Variants in TTL observed in about 807,000 individuals in gnomAD.
TTL encodes tubulin tyrosine ligase.
In TTL, 10 loss-of-function variants were observed where a neutral mutation model predicts 41.1. The observed-to-expected ratio is 0.24, with a 90% CI of 0.15 to 0.41. TTL has a LOEUF of 0.41. TTL is among the 10% of genes least tolerant of loss of function. TTL has a pLI of 1.00. For synonymous variants in TTL, 175 were observed against 175.5 expected, an observed-to-expected ratio of 1.00 and a Z score of 0.02; for missense variants, 367 against 460.4, an observed-to-expected ratio of 0.80 and a Z score of 1.86.
At chr2:112,520,802 C>T (rs1227851228) in intron 6 of TTL, 3 of 187,884 alleles carry the variant, frequency 1.6e-5, no homozygotes, top group South Asian at 1.2e-4. Flanking sequence ...CCTATAGTCC[C>T]AGCTGCTCGG....
rs1013046129 is a variant in TTL, at chr2:112,482,723, C to T, written c.157+222C>T. Among the ~76,000 whole-genome samples, 1 of 152,214 alleles carries T rather than the reference C, an allele frequency of 6.6e-6. No homozygotes were observed. Among genetic ancestry groups the T allele is most frequent in the Non-Finnish European group, 1.5e-5 (1 of 68,042 alleles). The stretch of plus-strand genomic sequence containing the variant: ...GAGTCGGAGTCGCGGTGCGGCCACT[C>T]GGGGCCGCAGCTACCTCCCGACGGT... On this transcript the variant is annotated intron_variant, in intron 1 of 6. Transcript: ENST00000233336. The surrounding 1 kb of genome is among the most constrained non-coding windows in gnomAD (Gnocchi z 5.3).
chr2:112,518,746 C>T (rs1682142534), intron 5 of TTL, among the ~76,000 whole-genome samples: 1 of 150,580 alleles, frequency 6.6e-6, no homozygotes, highest in Non-Finnish European at 1.5e-5. Context: ...ACAGTCTTAG[C>T]TCACTGCAAC....
At chr2:112,493,523 G>A (rs1363735937) in intron 2 of TTL, among the ~76,000 whole-genome samples, 1 of 152,230 alleles carries the variant, frequency 6.6e-6, no homozygotes, top group Admixed American at 6.5e-5. Context: ...GCAGAGGGAA[G>A]CCCCTGTGTG....
intron 4 of TTL, among the ~76,000 whole-genome samples, chr2:112,501,738 G>A (rs1227902358): frequency 2.0e-5 from 3 of 151,890 alleles, no homozygotes; most frequent in Admixed American, 2.0e-4. Flanking sequence ...ATGGTGGCAG[G>A]CACCTGTAAT....
intron 3 of TTL, among the ~76,000 whole-genome samples, chr2:112,496,438 C>T (rs1284853891): frequency 6.6e-6 from 1 of 152,110 alleles, no homozygotes; most frequent in Non-Finnish European, 1.5e-5. Flanking sequence ...CCTTCAAACT[C>T]TACCCATTAT....
chr2:112,486,429 C>G (rs1215619964), intron 2 of TTL, among the ~76,000 whole-genome samples: 2 of 152,222 alleles, frequency 1.3e-5, no homozygotes, highest in Non-Finnish European at 2.9e-5. Context: ...ATCAGTCAGC[C>G]ATTGGCTGTG....
chr2:112,524,176 T>A (rs1461679921), intron 6 of TTL, among the ~76,000 whole-genome samples: 3 of 152,248 alleles, frequency 2.0e-5, no homozygotes, highest in Admixed American at 1.3e-4. Context: ...TGCCACATTT[T>A]CTTAATCCAG....
chr2:112,499,616 T>C (rs1681637535), intron 3 of TTL, among the ~76,000 whole-genome samples: 1 of 152,172 alleles, frequency 6.6e-6, no homozygotes, highest in Non-Finnish European at 1.5e-5. Flanking sequence ...AAAGTAAAAA[T>C]TGATAAATTG....
At chr2:112,500,506 G>A (rs1366790654) in intron 3 of TTL, among the ~76,000 whole-genome samples, 1 of 152,138 alleles carries the variant, frequency 6.6e-6, no homozygotes, top group East Asian at 1.9e-4. Context: ...AGGAGGCGAA[G>A]GTTACAGTGA....
Position 112,513,963 on chromosome 2 carries a change from G to T in TTL, c.876-6319G>T, listed in dbSNP as rs374645224. Among the ~76,000 whole-genome samples the T allele has an allele frequency of 7.2e-5, 11 of 152,192 alleles. No individual in the cohort carries two copies. The East Asian group carries it at 1.2e-3, about 16-fold the overall frequency. On this transcript the variant is annotated intron_variant, in intron 5 of 6. Transcript: ENST00000233336. ...ACATATATTTTAAACTCACAAGACA[G>T]CATTCCTATGATTATAGATAGTTAA...
Position 112,541,011 on chromosome 2 carries a change from T to C in TTL, c.*12216T>C, listed in dbSNP as rs1182498254. The C allele has an allele frequency of 6.6e-6, 1 of 152,238 alleles. No individual in the cohort carries two copies. The highest frequency in any genetic ancestry group is 1.5e-5 in the Non-Finnish European group (1 of 68,036). The allele number at this position is 152,238 out of a possible 1,614,324, so 9.4% of individuals were successfully genotyped here. On this transcript the variant is annotated 3_prime_UTR_variant, in exon 7 of 7. Transcript: ENST00000233336. ...TAACTGAGGAAGTACAATTGGAATG[T>C]TCATGACAGAAATGATGAATGCTTG...
At chr2:112,509,677 G>C (rs1009224749) in intron 5 of TTL, among the ~76,000 whole-genome samples, 1 of 152,166 alleles carries the variant, frequency 6.6e-6, no homozygotes, top group African/African-American at 2.4e-5. Flanking sequence ...TTCGGCTCGC[G>C]CACGGTGCGC....
intron 3 of TTL, among the ~76,000 whole-genome samples, chr2:112,495,261 C>T (rs975553885): frequency 2.6e-5 from 4 of 152,186 alleles, no homozygotes; most frequent in African/African-American, 9.7e-5. Flanking sequence ...GTGTCCATTG[C>T]TTTCTTTCCC....
In TTL at chr2:112,530,099, C is replaced by T; in HGVS notation, c.*1304C>T. On this transcript the variant is annotated 3_prime_UTR_variant, in exon 7 of 7. Transcript: ENST00000233336. ...ACAGCAACCCATTGAAAACTGCCCTCCCCACCAGAACGTGCTACGTTCTTT... is the reference window on the plus strand; with the variant it reads ...ACAGCAACCCATTGAAAACTGCCCTTCCCACCAGAACGTGCTACGTTCTTT... The T allele has an allele frequency of 4.3e-6, 1 of 230,074 alleles. No individual in the cohort carries two copies. The highest frequency in any genetic ancestry group is 6.2e-5 in the East Asian group (1 of 16,160). The allele number at this position is 230,074 out of a possible 1,614,324, so 14.3% of individuals were successfully genotyped here. A position where few individuals can be genotyped will look rare whatever the true frequency, so the allele number is the denominator to read the frequency against.
rs1360546689 is a variant in TTL, at chr2:112,530,722, C to T, written c.*1927C>T. ...ACATTCACGAGTTTTCTAGCCCTCA[C>T]AGTAACAGAGCTAAGAATTCAGATG... On this transcript the variant is annotated 3_prime_UTR_variant, in exon 7 of 7. Transcript: ENST00000233336. The T allele has an allele frequency of 9.7e-6, 2 of 206,668 alleles. No homozygotes were observed. The highest frequency in any genetic ancestry group is 1.5e-4 in the East Asian group (2 of 13,560). The allele number at this position is 206,668 out of a possible 1,614,324, so 12.8% of individuals were successfully genotyped here. A position where few individuals can be genotyped will look rare whatever the true frequency, so the allele number is the denominator to read the frequency against.
At chr2:112,510,694 A>G (rs1482324262) in intron 5 of TTL, among the ~76,000 whole-genome samples, 1 of 151,996 alleles carries the variant, frequency 6.6e-6, no homozygotes, top group Non-Finnish European at 1.5e-5. Flanking sequence ...TGGTTGAGAT[A>G]TTTCTTTTTT....
At position 112,535,725 on chromosome 2, in the gene TTL, G is replaced by A. The variant is rs1682584730; in HGVS notation, c.*6930G>A. The A allele has an allele frequency of 1.0e-5, 1 of 97,596 alleles. No individual in the cohort carries two copies. The highest frequency in any genetic ancestry group is 2.0e-5 in the Non-Finnish European group (1 of 48,908). The allele number at this position is 97,596 out of a possible 1,614,324, so 6.0% of individuals were successfully genotyped here. On this transcript the variant is annotated 3_prime_UTR_variant, in exon 7 of 7. Transcript: ENST00000233336. ...AATGAATTAAATACTCCAATCAGAA[G>A]GTAGAGATTGGCAAATTGATTTTTT... is the stretch of plus-strand genomic sequence containing the variant.
rs142467814 is a variant in TTL, at chr2:112,503,029, C to T, written c.723C>T (p.Thr241=). ...DNFQDKTCHL[T]NHCIQKEYSK... ...TCCAAGACAAAACCTGCCATTTGAC[C>T]AATCACTGCATTCAAAAAGAGTATT... Residue 241 remains threonine (T), a synonymous_variant, in exon 5 of 7, where the codon ACC becomes ACT. Coordinates refer to ENST00000233336, the MANE Select transcript of TTL (RefSeq NM_153712.5). 6 of 1,613,938 alleles carry T rather than the reference C, an allele frequency of 3.7e-6. No individual in the cohort carries two copies. The South Asian group carries it at 4.4e-5, about 12-fold the overall frequency.
In TTL at chr2:112,534,460, A is replaced by G. The variant is rs544074225; in HGVS notation, c.*5665A>G. 6.5e-6 allele frequency: 1 copy of G among 152,734 alleles called. No homozygotes were observed. Among genetic ancestry groups the G allele is most frequent in the East Asian group, 1.9e-4 (1 of 5,200 alleles). 9.5% of individuals were successfully genotyped at this position (152,734 alleles called of 1,614,324 possible). On this transcript the variant is annotated 3_prime_UTR_variant, in exon 7 of 7. Transcript: ENST00000233336. ...GCCTCGGCCACACAATCATGCTGAC[A>G]TCCAGCAGCAGAGCAGCCACCGTAG...
Sources: gnomAD v4.1 joint callset for allele counts (sites outside exome capture counted in the v4.1 genomes callset) on GRCh38, gnomAD v4.1.1 for gene constraint, Gnocchi (gnomAD v3.1) non-coding constraint, MANE v1.5 for transcripts, NCBI Gene and HGNC (gene_info 2026-07-23, HGNC 2026-07-21) for gene names.